Variants in CAMTA1 observed in about 807,000 individuals in gnomAD.
CAMTA1 encodes the protein calmodulin-binding transcription activator 1.
Under a neutral mutation model 170.9 loss-of-function variants are expected in CAMTA1, and 27 were observed. The ratio of observed to expected loss-of-function variants is 0.16; its 90% CI spans 0.12 to 0.22. CAMTA1 has a LOEUF of 0.22. Ranked by LOEUF, CAMTA1 falls within the 10% of genes least tolerant of loss-of-function variation. The pLI is 1.00. For missense variants in CAMTA1, 1,619 were observed against 2,217.2 expected, an observed-to-expected ratio of 0.73 and a Z score of 5.42; for synonymous variants, 833 against 891.5, an observed-to-expected ratio of 0.93 and a Z score of 1.17.
intron 3 of CAMTA1, among the ~76,000 whole-genome samples, chr1:6,875,823 T>G (rs1156723150): frequency 6.6e-6 from 1 of 152,230 alleles, no homozygotes; most frequent in Non-Finnish European, 1.5e-5. Context: ...TCTAGAGAGA[T>G]GGATAGGTTC....
rs1170418246 is a variant in CAMTA1 at position 7,050,060 on chromosome 1, C to T, written c.235-41244C>T. Among the ~76,000 whole-genome samples the T allele has an allele frequency of 1.3e-5, 2 of 152,154 alleles. No individual in the cohort carries two copies. The highest frequency in any genetic ancestry group is 1.9e-4 in the East Asian group (1 of 5,190). Reference sequence around the variant, plus strand: ...GACGTTCCCAGGAGGGGACTGCAAGCGCGGTGTCCTTGGGGCGGGATTGCA... The same window carrying T: ...GACGTTCCCAGGAGGGGACTGCAAGTGCGGTGTCCTTGGGGCGGGATTGCA... On this transcript the variant is annotated intron_variant, in intron 3 of 22. Coordinates refer to ENST00000303635, the MANE Select transcript of CAMTA1 (RefSeq NM_015215.4). The surrounding 1 kb of genome is among the most constrained non-coding windows in gnomAD (Gnocchi z 4.8).
intron 11 of CAMTA1, among the ~76,000 whole-genome samples, chr1:7,705,006 T>C (rs2096495337): frequency 8.2e-6 from 1 of 122,058 alleles, no homozygotes; most frequent in African/African-American, 3.1e-5. Context: ...ACACGCGTGC[T>C]CGCGGGCCGG....
intron 5 of CAMTA1, among the ~76,000 whole-genome samples, chr1:7,324,980 C>T (rs1679075466): frequency 6.6e-6 from 1 of 152,184 alleles, no homozygotes; most frequent in African/African-American, 2.4e-5. Flanking sequence ...CTTCCTCACT[C>T]TACTAATGTG....
At chr1:7,661,919 C>T (rs777642298) in intron 8 of CAMTA1, 53 bp downstream of exon 8, 1 of 1,548,174 alleles carries the variant, frequency 6.5e-7, no homozygotes, top group Non-Finnish European at 8.7e-7. Context: ...AGGGGCCCTA[C>T]CAGGCAGCCG....
chr1:6,893,605 G>C (rs1675021193), intron 3 of CAMTA1, among the ~76,000 whole-genome samples: 1 of 152,214 alleles, frequency 6.6e-6, no homozygotes, highest in South Asian at 2.1e-4. Context: ...GCGCACTGAG[G>C]GGGTTGTGCG....
At chr1:7,498,203 T>TGG in intron 6 of CAMTA1, among the ~76,000 whole-genome samples, 1 of 151,694 alleles carries the variant, frequency 6.6e-6, no homozygotes, top group South Asian at 2.1e-4. Flanking sequence ...TGTGTGTGTG[T>TGG]GTGACAGTGT....
At chr1:7,004,759 A>C (rs1698732045) in intron 3 of CAMTA1, among the ~76,000 whole-genome samples, 1 of 151,966 alleles carries the variant, frequency 6.6e-6, no homozygotes, top group Non-Finnish European at 1.5e-5. Context: ...CCTATTTTTA[A>C]ATTGTATTTA....
chr1:7,276,720 T>C (rs1192390718), intron 5 of CAMTA1, among the ~76,000 whole-genome samples: 1 of 152,066 alleles, frequency 6.6e-6, no homozygotes, highest in African/African-American at 2.4e-5. Flanking sequence ...TCCTAGGAAG[T>C]TGAATAAGGC....
chr1:7,062,477 C>T (rs1015338320), intron 3 of CAMTA1, among the ~76,000 whole-genome samples: 1 of 152,112 alleles, frequency 6.6e-6, no homozygotes, highest in Non-Finnish European at 1.5e-5. Flanking sequence ...GAGTCTCGAG[C>T]GGCCGGTGCC....
At chr1:7,282,477 G>A (rs183701606) in intron 5 of CAMTA1, among the ~76,000 whole-genome samples, 1 of 152,244 alleles carries the variant, frequency 6.6e-6, no homozygotes, top group East Asian at 1.9e-4. Flanking sequence ...CAACTGGACG[G>A]GTGGTTTCTA....
intron 3 of CAMTA1, among the ~76,000 whole-genome samples, chr1:6,847,323 G>A (rs1365238151): frequency 2.0e-5 from 3 of 151,496 alleles, no homozygotes; most frequent in African/African-American, 7.2e-5. Context: ...CAGACAAAGA[G>A]AATCAGCAAG....
chr1:7,753,316 A>G (rs1258387760), intron 21 of CAMTA1, among the ~76,000 whole-genome samples: 1 of 152,208 alleles, frequency 6.6e-6, no homozygotes, highest in Non-Finnish European at 1.5e-5. Context: ...TTCTTTATCC[A>G]GGTGAATATT....
At chr1:7,149,641 C>T (rs1009414117) in intron 4 of CAMTA1, among the ~76,000 whole-genome samples, 4 of 152,134 alleles carry the variant, frequency 2.6e-5, no homozygotes, top group African/African-American at 7.2e-5. Flanking sequence ...AGCTAGTCCC[C>T]GACACACACT....
intron 5 of CAMTA1, among the ~76,000 whole-genome samples, chr1:7,270,291 A>ATATATTTT (rs1336977888): frequency 3.6e-5 from 4 of 110,568 alleles, no homozygotes; most frequent in East Asian, 3.3e-4. Flanking sequence ...ATATATATAT[A>ATATATTTT]TTTTTTTTTT....
intron 5 of CAMTA1, among the ~76,000 whole-genome samples, chr1:7,451,916 T>C (rs78786925): frequency 0.042 from 6,469 of 152,294 alleles, 181 homozygotes; most frequent in Middle Eastern, 0.092. Flanking sequence ...GTCAAGTTCA[T>C]GCCCACAAGG....
chr1:7,602,465 G>A (rs1412544202), intron 6 of CAMTA1, among the ~76,000 whole-genome samples: 2 of 152,134 alleles, frequency 1.3e-5, no homozygotes, highest in African/African-American at 4.8e-5. Flanking sequence ...AGTATTCTCT[G>A]ATGGTAGTTT....
intron 4 of CAMTA1, among the ~76,000 whole-genome samples, chr1:7,180,320 T>G (rs937944516): frequency 1.3e-5 from 2 of 151,696 alleles, no homozygotes; most frequent in Non-Finnish European, 2.9e-5. Context: ...ATCACACCAT[T>G]GCACTCCGGC....
chr1:6,968,113 C>G (rs1691879064), intron 3 of CAMTA1, among the ~76,000 whole-genome samples: 1 of 152,232 alleles, frequency 6.6e-6, no homozygotes, highest in Non-Finnish European at 1.5e-5. Context: ...ACTCCTGCAT[C>G]ATGGAACCCA....
At chr1:7,488,317 G>A (rs1170108915) in intron 6 of CAMTA1, among the ~76,000 whole-genome samples, 3 of 152,152 alleles carry the variant, frequency 2.0e-5, no homozygotes, top group African/African-American at 7.2e-5. Context: ...ATGGAGGCCT[G>A]GAGTGGCCAG....
Sources: allele counts gnomAD v4.1 joint callset (sites outside exome capture counted in the v4.1 genomes callset), GRCh38; gene constraint gnomAD v4.1.1; non-coding constraint Gnocchi (gnomAD v3.1); transcripts MANE v1.5; gene names NCBI Gene and HGNC (gene_info 2026-07-23, HGNC 2026-07-21).